The following CDH18 variants were observed in gnomAD, a reference collection of about 807,000 sequenced individuals.
CDH18 encodes cadherin 18.
CDH18 carries 31 observed loss-of-function variants against 67.9 expected under a neutral mutation model. That is an observed-to-expected ratio of 0.46 (90% CI 0.34 to 0.62). CDH18 has a LOEUF of 0.62. CDH18 is among the 20% of genes least tolerant of loss of function. The probability of loss-of-function intolerance (pLI) is 0.01; values close to 1 mark genes in which losing one functional copy is unlikely to be tolerated. For missense variants in CDH18, 890 were observed against 975.5 expected, an observed-to-expected ratio of 0.91 and a Z score of 1.17; for synonymous variants, 362 against 347.2, an observed-to-expected ratio of 1.04 and a Z score of -0.48.
At chr5:19,597,468 G>A (rs1371914950) in intron 6 of CDH18, among the ~76,000 whole-genome samples, 1 of 152,124 alleles carries the variant, frequency 6.6e-6, no homozygotes, top group Non-Finnish European at 1.5e-5. Context: ...TATTGTTCTT[G>A]TCATCCTGGG....
At chr5:19,877,266 C>A (rs1399308455) in intron 2 of CDH18, among the ~76,000 whole-genome samples, 1 of 151,930 alleles carries the variant, frequency 6.6e-6, no homozygotes, top group Non-Finnish European at 1.5e-5. Flanking sequence ...AAAATCGTTA[C>A]TTTTATTCAA....
intron 1 of CDH18, among the ~76,000 whole-genome samples, chr5:20,359,206 C>T (rs866207835): frequency 1.3e-5 from 2 of 152,112 alleles, no homozygotes; most frequent in Non-Finnish European, 2.9e-5. Context: ...ATTGGGATTA[C>T]AAGTGTGAGC....
At chr5:20,312,506 C>A (rs1040803114) in intron 1 of CDH18, among the ~76,000 whole-genome samples, 13 of 152,202 alleles carry the variant, frequency 8.5e-5, no homozygotes, top group Middle Eastern at 3.4e-3. Flanking sequence ...TGATGATTTG[C>A]TCAGCTGTTC....
intron 2 of CDH18, among the ~76,000 whole-genome samples, chr5:19,888,716 T>G (rs2150077127): frequency 6.6e-6 from 1 of 152,238 alleles, no homozygotes; most frequent in Non-Finnish European, 1.5e-5. Flanking sequence ...ATTTAAAAAT[T>G]TCTTCTTCAT....
intron 2 of CDH18, among the ~76,000 whole-genome samples, chr5:19,864,033 T>C (rs1785187717): frequency 2.0e-5 from 3 of 150,846 alleles, no homozygotes; most frequent in African/African-American, 4.9e-5. Context: ...ACTGGGTATA[T>C]ACCCAAAGGA....
intron 2 of CDH18, among the ~76,000 whole-genome samples, chr5:20,063,474 C>A (rs1218117048): frequency 6.6e-6 from 1 of 151,864 alleles, no homozygotes; most frequent in South Asian, 2.1e-4. Flanking sequence ...TCATAGCAAT[C>A]CCAAAGAATC....
chr5:19,515,504 G>C (rs1468756825), intron 10 of CDH18, among the ~76,000 whole-genome samples: 2 of 152,076 alleles, frequency 1.3e-5, no homozygotes, highest in African/African-American at 4.8e-5. Context: ...CTATTTGTTT[G>C]TATCCTCTTT....
At chr5:19,945,185 C>A (rs546157058) in intron 2 of CDH18, among the ~76,000 whole-genome samples, 8 of 152,100 alleles carry the variant, frequency 5.3e-5, no homozygotes, top group Non-Finnish European at 1.2e-4. Flanking sequence ...AATTAGCAAG[C>A]CCAGCAGCTT....
chr5:19,896,143 C>T (rs746669310), intron 2 of CDH18, among the ~76,000 whole-genome samples: 3 of 151,972 alleles, frequency 2.0e-5, no homozygotes, highest in Admixed American at 6.6e-5. Flanking sequence ...GATCATCTGA[C>T]GTCAGGAGTT....
At chr5:20,383,064 TA>T (rs1430433939) in intron 1 of CDH18, among the ~76,000 whole-genome samples, 1 of 152,204 alleles carries the variant, frequency 6.6e-6, no homozygotes, top group East Asian at 1.9e-4. Flanking sequence ...AAAAATCCCT[TA>T]AAAAAACTCT....
intron 3 of CDH18, among the ~76,000 whole-genome samples, chr5:19,828,687 T>C (rs1435745420): frequency 6.6e-6 from 1 of 152,114 alleles, no homozygotes; most frequent in Admixed American, 6.6e-5. Flanking sequence ...AAATACAACA[T>C]CGCTTCATGT....
chr5:19,970,485 A>G (rs970973811), intron 2 of CDH18, among the ~76,000 whole-genome samples: 2 of 151,476 alleles, frequency 1.3e-5, no homozygotes, highest in African/African-American at 4.8e-5. Flanking sequence ...TGAAAAATCA[A>G]AATTTTAAAA....
intron 2 of CDH18, among the ~76,000 whole-genome samples, chr5:20,230,574 A>T (rs781349529): frequency 3.3e-5 from 5 of 151,992 alleles, no homozygotes; most frequent in Non-Finnish European, 7.4e-5. Flanking sequence ...CTCCTTAGCT[A>T]TTACCGGTTT....
chr5:19,719,960 G>GAAA (rs1561140010), intron 5 of CDH18, among the ~76,000 whole-genome samples: 101 of 100,484 alleles, frequency 1.0e-3, no homozygotes, highest in African/African-American at 4.1e-3. Flanking sequence ...AAAGAAAGAA[G>GAAA]GAAAGAGTTA....
At chr5:20,406,102 T>C (rs533265849) in intron 1 of CDH18, among the ~76,000 whole-genome samples, 21 of 152,282 alleles carry the variant, frequency 1.4e-4, no homozygotes, top group African/African-American at 5.1e-4. Context: ...CAAAGGACTA[T>C]AAATCATGCT....
chr5:20,363,362 G>A (rs994475381), intron 1 of CDH18, among the ~76,000 whole-genome samples: 3 of 150,850 alleles, frequency 2.0e-5, no homozygotes, highest in Admixed American at 1.3e-4. Context: ...GCACGTGCCT[G>A]TAATCCCAGC....
chr5:20,236,293 G>T (rs1321515516), intron 2 of CDH18, among the ~76,000 whole-genome samples: 1 of 150,604 alleles, frequency 6.6e-6, no homozygotes, highest in Admixed American at 6.6e-5. Context: ...AATAAAAGCA[G>T]CTGGATAAAA....
rs573796386 is a variant in CDH18 at position 20,172,273 on chromosome 5, A to G, written c.-518+83171T>C. On this transcript the variant is annotated intron_variant, in intron 2 of 14. Coordinates refer to the CDH18 transcript ENST00000507958. ...ATATATATATCTCCTCTCTGAGCTT[A>G]TACACTATGCTGTTAAGATTTAGTA... Among the ~76,000 whole-genome samples, 3 of 85,062 alleles carry G rather than the reference A, an allele frequency of 3.5e-5. No individual in the cohort carries two copies. The East Asian group carries it at 1.0e-3, about 29-fold the overall frequency. The allele number at this position is 85,062 out of a possible 152,430, so 55.8% of individuals were successfully genotyped here.
intron 1 of CDH18, among the ~76,000 whole-genome samples, chr5:20,259,974 A>C (rs1266419401): frequency 6.7e-6 from 1 of 149,674 alleles, no homozygotes; most frequent in East Asian, 2.0e-4. Context: ...TCTTACAAAC[A>C]AAAAAAAAAT....
Sources: allele counts gnomAD v4.1 joint callset (sites outside exome capture counted in the v4.1 genomes callset), GRCh38; gene constraint gnomAD v4.1.1; transcripts MANE v1.5; gene names NCBI Gene and HGNC (gene_info 2026-07-23, HGNC 2026-07-21).